The following SF3A2 variants were observed in gnomAD, a reference collection of about 807,000 sequenced individuals.
SF3A2 encodes the protein SAP 62.
Under a neutral mutation model 31.1 loss-of-function variants are expected in SF3A2, and 5 were observed. The observed-to-expected ratio is 0.16, with a 90% confidence interval of 0.08 to 0.34. The LOEUF (loss-of-function observed/expected upper bound fraction) is 0.34. Among genes scored for constraint, SF3A2 ranks in the 10% least tolerant of loss-of-function variants. The probability of loss-of-function intolerance (pLI) is 1.00; values close to 1 mark genes in which losing one functional copy is unlikely to be tolerated. For synonymous variants in SF3A2, 365 were observed against 263.7 expected (o/e 1.38, Z -3.72); for missense variants, 577 against 643.9 (o/e 0.90, Z 1.13).
chr19:2,244,658 G>A, intron 3 of SF3A2, 43 bp downstream of exon 3: 2 of 1,611,292 alleles, frequency 1.2e-6, no homozygotes, highest in African/African-American at 1.3e-5. Context: ...GGCGGGCTGA[G>A]TGGCTGACGT....
chr19:2,248,539 C>A lies in SF3A2; in HGVS notation c.1388C>A (p.Thr463Asn), dbSNP rs1462740990. Residue 463 changes from threonine (T) to asparagine (N), a missense_variant, in exon 9 of 9, where the codon ACC (threonine) becomes AAC (asparagine). By Grantham distance (65) the Thr-to-Asn change is moderately conservative. Coordinates refer to ENST00000221494, the MANE Select transcript of SF3A2 (RefSeq NM_007165.5). ...GGGAACATACCTCCCCCTCCCCCAA[C>A]CAACTGAGAAGCTGCTCCCTCCCCC... ...GPGNIPPPPPTN is the reference protein window; with the variant it reads ...GPGNIPPPPPNN 3 of 1,098,370 alleles carry A rather than the reference C, an allele frequency of 2.7e-6. No individual in the cohort carries two copies. The highest frequency in any genetic ancestry group is 2.4e-6 in the Non-Finnish European group (2 of 831,198). The allele number at this position is 1,098,370 out of a possible 1,614,324, so 68.0% of individuals were successfully genotyped here.
rs1005478387 is a variant in SF3A2 at position 2,245,579 on chromosome 19, G to A, written c.355+24G>A. On this transcript the variant is annotated intron_variant, in intron 5 of 8. Coordinates refer to ENST00000221494, the MANE Select transcript of SF3A2 (RefSeq NM_007165.5). The surrounding 1 kb of genome is among the most constrained non-coding windows in gnomAD (Gnocchi z 4.2). ...AGGTGAGTCTGCCCGCAGCGGGGCCGGCCACAGCCGCTGCCGTGACATAAG... is the reference window on the plus strand; with the variant it reads ...AGGTGAGTCTGCCCGCAGCGGGGCCAGCCACAGCCGCTGCCGTGACATAAG... 33 of 1,485,594 alleles carry A rather than the reference G, an allele frequency of 2.2e-5. No individual in the cohort carries two copies. Among genetic ancestry groups the A allele is most frequent in the East Asian group, 1.2e-4 (5 of 40,666 alleles). 92.0% of individuals were successfully genotyped at this position (1,485,594 alleles called of 1,614,324 possible).
At position 2,247,928 on chromosome 19, in the gene SF3A2, G is replaced by A; in HGVS notation, c.777G>A (p.Leu259=). The A allele has an allele frequency of 1.3e-6, 2 of 1,545,508 alleles. No homozygotes were observed. The highest frequency in any genetic ancestry group is 1.8e-6 in the Non-Finnish European group (2 of 1,136,870). The change falls in exon 9 of 9, where the codon CTG becomes CTA. Residue 259 remains leucine (L), a synonymous_variant. Coordinates refer to ENST00000221494, the MANE Select transcript of SF3A2 (RefSeq NM_007165.5). ...TGCCACCGCCCCCGCCAGGAGGCCT[G>A]CCTCTGCCACCCATGCCCCCCACAG... ...ESLPPPPPGG[L]PLPPMPPTGP...
At position 2,244,803 on chromosome 19, in the gene SF3A2, T is replaced by G. The variant is rs761541982; in HGVS notation, c.245+24T>G. The G allele has an allele frequency of 2.7e-5, 44 of 1,608,988 alleles. No homozygotes were observed. The South Asian group carries it at 4.5e-4, about 17-fold the overall frequency. On this transcript the variant is annotated intron_variant, in intron 4 of 8. Coordinates refer to ENST00000221494, the MANE Select transcript of SF3A2 (RefSeq NM_007165.5). ...CTGTGAGTACCTCATGTCCCTTTGA[T>G]GCCTGGTGCTCCAGCAGCCGTTGGC...
At chr19:2,238,536 G>A (rs1464724492) in intron 1 of SF3A2, among the ~76,000 whole-genome samples, 1 of 152,206 alleles carries the variant, frequency 6.6e-6, no homozygotes, top group African/African-American at 2.4e-5. Context: ...CATGAGCATA[G>A]TTGGTCATTG....
rs556290467 is a variant in SF3A2, at chr19:2,242,146, C to G, written c.-37-1236C>G. Among the ~76,000 whole-genome samples the G allele has an allele frequency of 7.0e-4, 107 of 151,878 alleles. 1 individual carries two copies. The highest frequency in any genetic ancestry group is 2.5e-3 in the African/African-American group (103 of 41,376). On this transcript the variant is annotated intron_variant, in intron 1 of 8. Transcript: ENST00000221494. ...GCGTGCCCCTGCACACCTGCCGCCA[C>G]TGTGGCCTGTCCCTCAGCGTGCCCC...
intron 1 of SF3A2, among the ~76,000 whole-genome samples, chr19:2,240,270 C>G (rs1199945463): frequency 1.3e-5 from 2 of 152,204 alleles, no homozygotes; most frequent in African/African-American, 4.8e-5. Context: ...GGCGGCAGGT[C>G]GTGATTCAGT....
intron 1 of SF3A2, among the ~76,000 whole-genome samples, chr19:2,241,281 C>T (rs557666368): frequency 2.0e-5 from 3 of 152,210 alleles, no homozygotes; most frequent in South Asian, 2.1e-4. Flanking sequence ...GAAAGAAGGC[C>T]GATTCCCTGC....
Position 2,245,506 on chromosome 19 carries a change from C to T in SF3A2, c.306C>T (p.Val102=). ...CTGCCCAGCCCGCGCCTGAGAAGGT[C>T]AAGGTGGAGGTGAAGAAGTTTGTGA... is the stretch of plus-strand genomic sequence containing the variant. The part of the protein sequence containing the change: ...EAPAQPAPEK[V]KVEVKKFVKI... The change falls in exon 5 of 9, where the codon GTC becomes GTT. Residue 102 remains valine (V), a synonymous_variant. Coordinates refer to ENST00000221494, the MANE Select transcript of SF3A2 (RefSeq NM_007165.5). This position sits in a 1 kb window ranked among gnomAD's most constrained non-coding sequence, Gnocchi z 4.2. 1 of 1,551,190 alleles carries T rather than the reference C, an allele frequency of 6.4e-7. No homozygotes were observed. The highest frequency in any genetic ancestry group is 8.7e-7 in the Non-Finnish European group (1 of 1,146,930).
rs145967244 is a variant in SF3A2, at chr19:2,243,532, C to T, written c.114C>T (p.Ile38=). 8 of 1,550,854 alleles carry T rather than the reference C, an allele frequency of 5.2e-6. No homozygotes were observed. The highest frequency in any genetic ancestry group is 2.6e-5 in the East Asian group (1 of 38,842). The change falls in exon 2 of 9, where the codon ATC becomes ATT. Residue 38 remains isoleucine, a synonymous_variant. Transcript: ENST00000221494. The stretch of plus-strand genomic sequence containing the variant: ...TCCGGCAGCTGGCCCTGGAGACCAT[C>T]GACATCAACAAGGTGGGCCAGCCAC... The part of the protein sequence containing the change: ...ERLRQLALET[I]DINKDPYFMK...
At position 2,246,352 on chromosome 19, in the gene SF3A2, CA is replaced by C. The variant is rs2024932691; in HGVS notation, c.356-400del. On this transcript the variant is annotated intron_variant, in intron 5 of 8. Transcript: ENST00000221494. The surrounding 1 kb of genome is among the most constrained non-coding windows in gnomAD (Gnocchi z 5.5). ...GGCTGCTGAGCTCTGGCGGGAAGGG[CA>C]TCCTCTCTCGCTCACCGTATACATG... 6.6e-6 allele frequency among the ~76,000 whole-genome samples: 1 copy of C among 152,140 alleles called. No homozygotes were observed. The highest frequency in any genetic ancestry group is 2.1e-4 in the South Asian group (1 of 4,834).
At position 2,243,470 on chromosome 19, in the gene SF3A2, T is replaced by G. The variant is rs764723329; in HGVS notation, c.52T>G (p.Ser18Ala). ...CAAGACCGGGAGCGGGGGCGTGGCCTCCTCCTCCGAGAGCAACCGTGACCG... is the reference window on the plus strand; with the variant it reads ...CAAGACCGGGAGCGGGGGCGTGGCCGCCTCCTCCGAGAGCAACCGTGACCG... ...GGKTGSGGVASSSESNRDRRE... is the reference protein window; with the variant it reads ...GGKTGSGGVAASSESNRDRRE... The change falls in exon 2 of 9, where the codon TCC becomes GCC. Residue 18 changes from serine to alanine, a missense_variant. Coordinates refer to ENST00000221494, the MANE Select transcript of SF3A2 (RefSeq NM_007165.5). 18 of 1,553,670 alleles carry G rather than the reference T, an allele frequency of 1.2e-5. No individual in the cohort carries two copies. The highest frequency in any genetic ancestry group is 2.2e-5 in the Admixed American group (1 of 46,404).
chr19:2,247,062 T>C lies in SF3A2; in HGVS notation c.546+40T>C, dbSNP rs753404573. On this transcript the variant is annotated intron_variant, in intron 7 of 8. Transcript: ENST00000221494. The stretch of plus-strand genomic sequence containing the variant: ...GGGTTCCCTGGGCCCCCTTGAGATG[T>C]GCAAGCCAGAAGGATCTGCATAGGC... 3.2e-6 allele frequency: 5 copies of C among 1,581,220 alleles called. No individual in the cohort carries two copies. In the East Asian group the frequency reaches 1.1e-4, roughly 36 times the overall value.
chr19:2,241,304 T>A (rs2145008658), intron 1 of SF3A2, among the ~76,000 whole-genome samples: 1 of 152,160 alleles, frequency 6.6e-6, no homozygotes, highest in South Asian at 2.1e-4. Context: ...TCTCACACGT[T>A]CCCCCGAGCG....
rs2024907721 is a variant in SF3A2, at chr19:2,243,496, C to T, written c.78C>T (p.Arg26=). Residue 26 remains arginine, a synonymous_variant, in exon 2 of 9, where the codon CGC becomes CGT. Transcript: ENST00000221494. ...CCTCCTCCGAGAGCAACCGTGACCG[C>T]AGGGAGCGCCTCCGGCAGCTGGCCC... The part of the protein sequence containing the change: ...VASSSESNRD[R]RERLRQLALE... 1 of 1,549,848 alleles carries T rather than the reference C, an allele frequency of 6.5e-7. No homozygotes were observed. The highest frequency in any genetic ancestry group is 1.4e-5 in the African/African-American group (1 of 69,886).
intron 1 of SF3A2, among the ~76,000 whole-genome samples, chr19:2,243,074 A>G (rs977810592): frequency 1.3e-5 from 2 of 152,096 alleles, no homozygotes; most frequent in Admixed American, 1.3e-4. Flanking sequence ...TGGGCTCCCT[A>G]TTACAATTTC....
chr19:2,238,212 C>A (rs181070377), intron 1 of SF3A2, among the ~76,000 whole-genome samples: 2 of 152,188 alleles, frequency 1.3e-5, no homozygotes, highest in African/African-American at 4.8e-5. Context: ...TTTGTAGAGA[C>A]GAGGTTTCGC....
At chr19:2,242,743 G>C (rs1014784202) in intron 1 of SF3A2, among the ~76,000 whole-genome samples, 2 of 152,210 alleles carry the variant, frequency 1.3e-5, no homozygotes, top group Non-Finnish European at 2.9e-5. Context: ...GAGCCTGAAA[G>C]GGCGTGGGAG....
intron 1 of SF3A2, among the ~76,000 whole-genome samples, chr19:2,240,137 A>G (rs563402804): frequency 6.6e-6 from 1 of 151,116 alleles, no homozygotes; most frequent in South Asian, 2.1e-4. Context: ...GTATTTGAGA[A>G]CTCTTCCTCT....
Sources: gnomAD v4.1 joint callset for allele counts (sites outside exome capture counted in the v4.1 genomes callset) on GRCh38, gnomAD v4.1.1 for gene constraint, Gnocchi (gnomAD v3.1) non-coding constraint, MANE v1.5 for transcripts, NCBI Gene and HGNC (gene_info 2026-07-23, HGNC 2026-07-21) for gene names.